Variants in RANBP2 observed in about 807,000 individuals in gnomAD.
The protein encoded by RANBP2 is E3 SUMO-protein ligase RanBP2.
In RANBP2, 57 loss-of-function variants were observed where a neutral mutation model predicts 303.6. The observed-to-expected ratio is 0.19, with a 90% confidence interval of 0.15 to 0.23. The LOEUF (loss-of-function observed/expected upper bound fraction) is 0.23, where lower values mean the gene tolerates loss of function less well. RANBP2 is among the 10% of genes least tolerant of loss of function. The pLI is 1.00. For missense variants in RANBP2, 3,138 were observed against 3,780.8 expected (o/e 0.83, Z 4.46); for synonymous variants, 1,167 against 1,301.5 (o/e 0.90, Z 2.23).
chr2:109,409,943 TGAG>T, the RANBP2 span, among the ~76,000 whole-genome samples: 11 of 152,152 alleles, frequency 7.2e-5, no homozygotes, highest in African/African-American at 2.2e-4. Flanking sequence ...AACATTTAAA[TGAG>T]GAGATGTTTC....
the RANBP2 span, among the ~76,000 whole-genome samples, chr2:109,368,851 G>A: frequency 2.8e-4 from 42 of 152,054 alleles, no homozygotes; most frequent in Non-Finnish European, 5.7e-4. Context: ...TGATGTGTGG[G>A]AAGCCTTTGG....
chr2:109,493,298 G>A, the RANBP2 span, among the ~76,000 whole-genome samples: 38,197 of 139,660 alleles, frequency 0.27, 5,131 homozygotes, highest in East Asian at 0.52. Flanking sequence ...CACACACCAT[G>A]CACACCATGC....
At chr2:108,905,376 G>A in the RANBP2 span, among the ~76,000 whole-genome samples, 1 of 152,318 alleles carries the variant, frequency 6.6e-6, no homozygotes, top group African/African-American at 2.4e-5. Context: ...AGGCTGACCT[G>A]GGGCATGCGT....
At chr2:109,291,383 C>G in the RANBP2 span, among the ~76,000 whole-genome samples, 1 of 151,830 alleles carries the variant, frequency 6.6e-6, no homozygotes. Flanking sequence ...GGCCCATCTG[C>G]CCAAACAGTG....
the RANBP2 span, among the ~76,000 whole-genome samples, chr2:108,860,449 A>C: frequency 6.6e-6 from 1 of 151,762 alleles, no homozygotes; most frequent in Non-Finnish European, 1.5e-5. Context: ...TCCCCATTAA[A>C]TATGATATTG....
the RANBP2 span, among the ~76,000 whole-genome samples, chr2:109,256,280 G>A: frequency 1.3e-5 from 2 of 152,220 alleles, no homozygotes; most frequent in Admixed American, 1.3e-4. Context: ...GCCTGGTTGA[G>A]CGTATTACTG....
At chr2:109,711,793 G>A in the RANBP2 span, among the ~76,000 whole-genome samples, 3 of 152,060 alleles carry the variant, frequency 2.0e-5, no homozygotes, top group South Asian at 2.1e-4. Context: ...CCTTTGTCTC[G>A]GTCTATTTTC....
the RANBP2 span, among the ~76,000 whole-genome samples, chr2:109,388,709 A>T: frequency 6.6e-6 from 1 of 152,242 alleles, no homozygotes. Flanking sequence ...CATCTGTGAA[A>T]TGAGACCCCT....
At chr2:108,893,951 A>G in the RANBP2 span, among the ~76,000 whole-genome samples, 11 of 152,036 alleles carry the variant, frequency 7.2e-5, no homozygotes, top group African/African-American at 2.4e-4. Flanking sequence ...CTATTCCCCA[A>G]TACATATCAT....
At chr2:109,163,600 C>A in the RANBP2 span, among the ~76,000 whole-genome samples, 6 of 151,382 alleles carry the variant, frequency 4.0e-5, no homozygotes, top group African/African-American at 1.5e-4. Context: ...GGGGTTTCAC[C>A]GTTTTAGCCG....
intron 6 of RANBP2, 82 bp from the exon 7 acceptor site, chr2:108,740,407 T>C: frequency 1.6e-5 from 26 of 1,581,676 alleles, no homozygotes; most frequent in Non-Finnish European, 2.2e-5. Context: ...ATAAAATTTT[T>C]ATTTTGTTTT....
the RANBP2 span, among the ~76,000 whole-genome samples, chr2:108,902,766 C>T: frequency 6.6e-6 from 1 of 152,046 alleles, no homozygotes; most frequent in Non-Finnish European, 1.5e-5. Flanking sequence ...TTAATGTCAA[C>T]AATTTATAAA....
the RANBP2 span, among the ~76,000 whole-genome samples, chr2:108,960,662 A>G: frequency 6.6e-6 from 1 of 152,246 alleles, no homozygotes; most frequent in Non-Finnish European, 1.5e-5. Flanking sequence ...GTTTTCAAAC[A>G]TGTAAAAGTA....
chr2:108,808,690 C>A, the RANBP2 span, among the ~76,000 whole-genome samples: 1 of 152,132 alleles, frequency 6.6e-6, no homozygotes, highest in Non-Finnish European at 1.5e-5. Context: ...ATTATTTACC[C>A]ATTTTTTATT....
chr2:108,792,400 G>C, the RANBP2 span, among the ~76,000 whole-genome samples: 2 of 152,158 alleles, frequency 1.3e-5, no homozygotes, highest in African/African-American at 2.4e-5. Flanking sequence ...CCTGCTATAT[G>C]GTCGATTTTC....
chr2:108,962,626 G>T, the RANBP2 span, among the ~76,000 whole-genome samples: 118 of 137,994 alleles, frequency 8.6e-4, no homozygotes, highest in African/African-American at 3.2e-3. Context: ...AGAGAGCCGA[G>T]ATCGCTCCAC....
chr2:108,745,661 C>T (rs137896168), intron 7 of RANBP2, among the ~76,000 whole-genome samples: 147 of 151,550 alleles, frequency 9.7e-4, no homozygotes, highest in African/African-American at 3.4e-3. Flanking sequence ...CCATTTATTC[C>T]AGTGCTATCC....
At chr2:109,059,754 A>C in the RANBP2 span, among the ~76,000 whole-genome samples, 1 of 152,144 alleles carries the variant, frequency 6.6e-6, no homozygotes. Context: ...CCTGAGCTGC[A>C]CTTAGAGCAC....
chr2:109,569,084 AT>A, the RANBP2 span, among the ~76,000 whole-genome samples: 1 of 152,176 alleles, frequency 6.6e-6, no homozygotes. Context: ...CCTCAGGCTA[AT>A]CAGTCATATG....
Sources: allele counts gnomAD v4.1 joint callset (sites outside exome capture counted in the v4.1 genomes callset), GRCh38; gene constraint gnomAD v4.1.1; transcripts MANE v1.5; gene names NCBI Gene and HGNC (gene_info 2026-07-23, HGNC 2026-07-21).